The following EIF5B variants were observed in gnomAD, a reference collection of about 807,000 sequenced individuals.
EIF5B encodes the protein eIF-5B.
Under a neutral mutation model 147.5 loss-of-function variants are expected in EIF5B, and 47 were observed. The observed-to-expected ratio is 0.32, with a 90% CI of 0.25 to 0.41. The LOEUF (loss-of-function observed/expected upper bound fraction) is 0.41, where lower values mean the gene tolerates loss of function less well. EIF5B is among the 10% of genes least tolerant of loss of function. The pLI, the probability that EIF5B is intolerant of heterozygous loss-of-function variation, is 1.00. For missense variants in EIF5B, 1,064 were observed against 1,413.2 expected (o/e 0.75, Z 3.96); for synonymous variants, 455 against 456.2 (o/e 1.00, Z 0.03).
Position 99,361,463 on chromosome 2 carries a change from G to A in EIF5B, c.562G>A (p.Asp188Asn), listed in dbSNP as rs997133928. ...AATAAATTCTTCTGGTGAAAGTGGT[G>A]ATGAATCAGATGAATTTTTGCAATC... ...SRINSSGESG[D>N]ESDEFLQSRK... Residue 188 changes from aspartate to asparagine, a missense_variant, in exon 4 of 24, where the codon GAT (aspartate) becomes AAT (asparagine). By Grantham distance (23) the Asp-to-Asn change is conservative. Transcript: ENST00000289371. The A allele has an allele frequency of 6.2e-7, 1 of 1,613,934 alleles. No homozygotes were observed. Among genetic ancestry groups the A allele is most frequent in the Non-Finnish European group, 8.5e-7 (1 of 1,180,002 alleles).
intron 9 of EIF5B, among the ~76,000 whole-genome samples, chr2:99,374,077 T>A (rs1047818029): frequency 7.9e-5 from 12 of 152,106 alleles, no homozygotes; most frequent in Non-Finnish European, 5.9e-5. Context: ...TCACTTGAGA[T>A]CAGGAGATTG....
chr2:99,384,085 T>G (rs1310819673), intron 14 of EIF5B, among the ~76,000 whole-genome samples: 1 of 149,488 alleles, frequency 6.7e-6, no homozygotes, highest in Admixed American at 6.7e-5. Flanking sequence ...TAGTCCCAGC[T>G]ACTCGGGAGG....
intron 9 of EIF5B, among the ~76,000 whole-genome samples, chr2:99,374,576 T>G (rs1674525655): frequency 6.6e-6 from 1 of 152,156 alleles, no homozygotes; most frequent in Non-Finnish European, 1.5e-5. Flanking sequence ...TTCTTTAGTT[T>G]TATATGTTTA....
chr2:99,360,396 G>T (rs1674183799), intron 2 of EIF5B, 35 bp downstream of exon 2: 2 of 1,584,624 alleles, frequency 1.3e-6, no homozygotes, highest in South Asian at 1.2e-5. Flanking sequence ...ATTTTTATTT[G>T]TTTTGGTACT....
chr2:99,394,436 T>C (rs1312267360), intron 19 of EIF5B, 38 bp downstream of exon 19: 2 of 1,613,314 alleles, frequency 1.2e-6, no homozygotes, highest in Non-Finnish European at 1.7e-6. Flanking sequence ...TGAATGGTGG[T>C]TGGTCGTGGT....
intron 5 of EIF5B, 116 bp downstream of exon 5, chr2:99,363,978 T>G: frequency 1.8e-6 from 2 of 1,136,740 alleles, no homozygotes; most frequent in Non-Finnish European, 2.5e-6. Context: ...GTAATTCAGT[T>G]ATATTATTGT....
At chr2:99,388,894 G>T (rs1674865760) in intron 14 of EIF5B, among the ~76,000 whole-genome samples, 1 of 152,166 alleles carries the variant, frequency 6.6e-6, no homozygotes, top group South Asian at 2.1e-4. Context: ...TTATTTCAAA[G>T]AATTAGCTTT....
At position 99,390,324 on chromosome 2, in the gene EIF5B, C is replaced by G. The variant is rs1674897651; in HGVS notation, c.2509C>G (p.Leu837Val). The change falls in exon 16 of 24, where the codon CTT becomes GTT. Residue 837 changes from leucine to valine, a missense_variant. Physicochemically the swap from Leu to Val is conservative, Grantham distance 32. Around this residue, in one of 4 missense-constraint regions of EIF5B, gnomAD observed 380 missense variants for 715.6 expected, o/e 0.53. Coordinates refer to ENST00000289371, the MANE Select transcript of EIF5B (RefSeq NM_015904.4). ...TGATGGCATGGGAAGTCTGATCTAC[C>G]TTCTTGTAGAGTTAACTCAGACCAT... ...TGDGMGSLIY[L>V]LVELTQTMLS... 1 of 1,613,944 alleles carries G rather than the reference C, an allele frequency of 6.2e-7. No homozygotes were observed. The highest frequency in any genetic ancestry group is 1.7e-5 in the Admixed American group (1 of 59,982).
rs1394920913 is a variant in EIF5B at position 99,361,559 on chromosome 2, G to A, written c.658G>A (p.Asp220Asn). The A allele has an allele frequency of 1.2e-6, 2 of 1,612,686 alleles. No homozygotes were observed. Among genetic ancestry groups the A allele is most frequent in the African/African-American group, 2.7e-5 (2 of 74,784 alleles). Reference protein sequence around the residue: ...PNIESGNEDDDASFKIKTVAQ... With the variant: ...PNIESGNEDDNASFKIKTVAQ... ...CATAGAAAGTGGGAATGAAGATGAT[G>A]ACGCCTCCTTCAAAATTAAGACAGT... The change falls in exon 4 of 24, where the codon GAC becomes AAC. Residue 220 changes from aspartate (D) to asparagine (N), a missense_variant. Around this residue, in one of 4 missense-constraint regions of EIF5B, gnomAD observed 458 missense variants for 451.3 expected, o/e 1.01. Coordinates refer to ENST00000289371, the MANE Select transcript of EIF5B (RefSeq NM_015904.4).
At chr2:99,399,031 C>A in intron 23 of EIF5B, 122 bp downstream of exon 23, 1 of 1,199,712 alleles carries the variant, frequency 8.3e-7, no homozygotes, top group Non-Finnish European at 1.2e-6. Flanking sequence ...CTGGATCCCC[C>A]ATTAGGGCTT....
At chr2:99,398,510 G>C (rs1023245849) in intron 22 of EIF5B, 4 of 356,390 alleles carry the variant, frequency 1.1e-5, no homozygotes, top group Non-Finnish European at 2.0e-5. Context: ...AGGGCACTTG[G>C]AATGTTTTGC....
In EIF5B at chr2:99,401,198, TTA is replaced by T. The variant is rs752742712; in HGVS notation, c.*1786_*1787del. On this transcript the variant is annotated 3_prime_UTR_variant, in exon 24 of 24. Transcript: ENST00000289371. ...CACTTTGCAAATACCTCACAAGCAC[TTA>T]TGGCACAGCTATCAGAGAGCATCAG... 2.4e-6 allele frequency: 3 copies of T among 1,246,376 alleles called. No individual in the cohort carries two copies. In the African/African-American group the frequency reaches 4.4e-5, roughly 18 times the overall value. The allele number at this position is 1,246,376 out of a possible 1,614,324, so 77.2% of individuals were successfully genotyped here.
intron 1 of EIF5B, among the ~76,000 whole-genome samples, chr2:99,355,247 A>G (rs760807127): frequency 2.0e-4 from 31 of 152,202 alleles, no homozygotes; most frequent in South Asian, 4.2e-4. Flanking sequence ...TCTTTTTTCA[A>G]AATTGGTTTA....
At chr2:99,358,049 C>T (rs779458237) in intron 1 of EIF5B, among the ~76,000 whole-genome samples, 9 of 152,060 alleles carry the variant, frequency 5.9e-5, no homozygotes, top group Admixed American at 2.0e-4. Context: ...TCAGCCCTGC[C>T]ACTCATTGTA....
intron 4 of EIF5B, among the ~76,000 whole-genome samples, chr2:99,363,429 C>T (rs960562281): frequency 6.6e-6 from 1 of 152,150 alleles, no homozygotes; most frequent in Non-Finnish European, 1.5e-5. Flanking sequence ...AGACCAACAT[C>T]AGTATTGCAG....
Position 99,376,438 on chromosome 2 carries a change from A to AGAAGAGGAG in EIF5B, c.1655_1663dup (p.Glu552_Glu554dup), listed in dbSNP as rs747928430. 1 of 1,587,852 alleles carries AGAAGAGGAG rather than the reference A, an allele frequency of 6.3e-7. No homozygotes were observed. Among genetic ancestry groups the AGAAGAGGAG allele is most frequent in the Non-Finnish European group, 8.6e-7 (1 of 1,157,342 alleles). On this transcript the variant is annotated inframe_insertion, in exon 10 of 24. Coordinates refer to ENST00000289371, the MANE Select transcript of EIF5B (RefSeq NM_015904.4). ...AGGAAGAAGAAGATGAAGAAAGTGA[A>AGAAGAGGAG]GAAGAGGAGGAAGAGGAGGGAGAAA...
Position 99,337,475 on chromosome 2 carries a change from A to C in EIF5B, c.-80A>C, listed in dbSNP as rs2105330325. The C allele has an allele frequency of 1.3e-6, 2 of 1,557,236 alleles. No individual in the cohort carries two copies. Among genetic ancestry groups the C allele is most frequent in the Non-Finnish European group, 1.7e-6 (2 of 1,146,104 alleles). On this transcript the variant is annotated 5_prime_UTR_variant, in exon 1 of 24. Coordinates refer to ENST00000289371, the MANE Select transcript of EIF5B (RefSeq NM_015904.4). ...GCACGAGGGGAAAAGAGCTGAGCGG[A>C]GACCAAAGTCAGCCGGGAGACAGTG...
intron 14 of EIF5B, among the ~76,000 whole-genome samples, chr2:99,384,257 G>T (rs771952165): frequency 6.6e-6 from 1 of 151,748 alleles, no homozygotes; most frequent in Admixed American, 6.6e-5. Context: ...TATAAAACCT[G>T]GATGATAGCA....
In EIF5B at chr2:99,382,238, T is replaced by C. The variant is rs1401934032; in HGVS notation, c.2129+12T>C. 9.3e-6 allele frequency: 15 copies of C among 1,610,946 alleles called. No individual in the cohort carries two copies. The highest frequency in any genetic ancestry group is 1.2e-5 in the Non-Finnish European group (14 of 1,177,972). Reference sequence around the variant, plus strand: ...CATGAATCTTTCAGGTAAGAGCAATTTGAGTCTTTTCTCATCAAGCAATCT... The same window carrying C: ...CATGAATCTTTCAGGTAAGAGCAATCTGAGTCTTTTCTCATCAAGCAATCT... On this transcript the variant is annotated intron_variant, in intron 13 of 23. Transcript: ENST00000289371.
Sources: gnomAD v4.1 joint callset for allele counts (sites outside exome capture counted in the v4.1 genomes callset) on GRCh38, gnomAD v4.1.1 for gene constraint, gnomAD v4.1.1 regional missense constraint, MANE v1.5 for transcripts, NCBI Gene and HGNC (gene_info 2026-07-23, HGNC 2026-07-21) for gene names.